LIN28B: variants seen among roughly 807,000 people sequenced by gnomAD.
The protein encoded by LIN28B is lin-28 RNA binding posttranscriptional regulator B, also known as protein lin-28 homolog B.
LIN28B carries 5 observed loss-of-function variants against 21.9 expected under a neutral mutation model. The ratio of observed to expected loss-of-function variants is 0.23; its 90% CI spans 0.12 to 0.48. LIN28B has a LOEUF of 0.48. Among genes scored for constraint, LIN28B ranks in the 20% least tolerant of loss-of-function variants. LIN28B has a pLI of 0.98. For missense variants in LIN28B, 245 were observed against 310.5 expected, an observed-to-expected ratio of 0.79 and a Z score of 1.58; for synonymous variants, 109 against 111.3, an observed-to-expected ratio of 0.98 and a Z score of 0.13.
At chr6:105,069,462 C>T (rs908050605) in intron 3 of LIN28B, among the ~76,000 whole-genome samples, 8 of 151,866 alleles carry the variant, frequency 5.3e-5, no homozygotes, top group Non-Finnish European at 5.9e-5. Flanking sequence ...CAGTGGCTCA[C>T]GCCTCTAATC....
chr6:104,977,253 CT>C (rs1248851118), intron 2 of LIN28B, among the ~76,000 whole-genome samples: 2 of 152,114 alleles, frequency 1.3e-5, no homozygotes, highest in African/African-American at 4.8e-5. Context: ...CCCTTCACTT[CT>C]TTGCCACTTT....
intron 3 of LIN28B, among the ~76,000 whole-genome samples, chr6:105,061,452 A>G (rs1562110891): frequency 6.6e-6 from 1 of 152,048 alleles, no homozygotes; most frequent in Admixed American, 6.6e-5. Flanking sequence ...TCTCTTTAGC[A>G]TTCTTGTAAA....
chr6:105,061,717 T>C (rs1772124435), intron 3 of LIN28B, among the ~76,000 whole-genome samples: 2 of 152,170 alleles, frequency 1.3e-5, no homozygotes, highest in African/African-American at 4.8e-5. Flanking sequence ...ATTCTTGAAG[T>C]ATGAAGCTTA....
At chr6:104,953,400 T>C (rs768612009), upstream of LIN28B, among the ~76,000 whole-genome samples, 35 of 152,138 alleles carry the variant, frequency 2.3e-4, no homozygotes, top group Non-Finnish European at 1.8e-4. Context: ...TGGCATCTCA[T>C]AGGAAAAGGG....
chr6:105,064,449 A>G (rs1267016409), intron 3 of LIN28B, among the ~76,000 whole-genome samples: 1 of 152,188 alleles, frequency 6.6e-6, no homozygotes, highest in Non-Finnish European at 1.5e-5. Flanking sequence ...GTTATCAGTC[A>G]TGGAAAGAGC....
At chr6:104,993,281 A>G (rs1329640914) in intron 2 of LIN28B, among the ~76,000 whole-genome samples, 2 of 152,210 alleles carry the variant, frequency 1.3e-5, no homozygotes, top group African/African-American at 4.8e-5. Flanking sequence ...CCTGTGCAAC[A>G]TAGCAAGACC....
chr6:105,023,229 T>A (rs11758308), intron 2 of LIN28B, among the ~76,000 whole-genome samples: 50 of 73,230 alleles, frequency 6.8e-4, no homozygotes, highest in Middle Eastern at 5.6e-3. Flanking sequence ...ATATATATAA[T>A]ATATATTATA....
chr6:104,960,028 T>A (rs1369218491), intron 2 of LIN28B, among the ~76,000 whole-genome samples: 3 of 152,204 alleles, frequency 2.0e-5, no homozygotes, highest in Non-Finnish European at 4.4e-5. Context: ...TAAACATTCC[T>A]CTATTCACTG....
At chr6:105,072,277 AT>A (rs1407267842) in intron 3 of LIN28B, among the ~76,000 whole-genome samples, 1 of 152,162 alleles carries the variant, frequency 6.6e-6, no homozygotes, top group Non-Finnish European at 1.5e-5. Context: ...CATCAATACA[AT>A]TTAGATATTG....
intron 2 of LIN28B, among the ~76,000 whole-genome samples, chr6:104,962,554 C>A (rs2114575491): frequency 6.6e-6 from 1 of 152,022 alleles, no homozygotes; most frequent in South Asian, 2.1e-4. Flanking sequence ...AAAGCATTAA[C>A]AGTATGAGAT....
At chr6:105,019,224 A>G (rs1481199653) in intron 2 of LIN28B, among the ~76,000 whole-genome samples, 2 of 152,242 alleles carry the variant, frequency 1.3e-5, no homozygotes, top group East Asian at 3.8e-4. Context: ...CTGGGATTAC[A>G]GGCGTGAGCC....
intron 2 of LIN28B, among the ~76,000 whole-genome samples, chr6:104,993,451 A>G (rs1770535789): frequency 6.6e-6 from 1 of 152,120 alleles, no homozygotes; most frequent in African/African-American, 2.4e-5. Context: ...TGGTGGCAGA[A>G]CAAGACCCTT....
At chr6:105,053,063 ATT>A (rs955420842) in intron 3 of LIN28B, among the ~76,000 whole-genome samples, 10 of 151,912 alleles carry the variant, frequency 6.6e-5, no homozygotes, top group African/African-American at 2.4e-4. Context: ...ATCTTAATTT[ATT>A]TTTTCATTTT....
At chr6:104,974,809 AATT>A (rs201450160) in intron 2 of LIN28B, among the ~76,000 whole-genome samples, 7 of 151,142 alleles carry the variant, frequency 4.6e-5, no homozygotes, top group South Asian at 2.1e-4. Context: ...GGATATTTTG[AATT>A]ATTATTATTA....
chr6:105,048,766 T>A (rs1771827329), intron 3 of LIN28B, among the ~76,000 whole-genome samples: 1 of 152,224 alleles, frequency 6.6e-6, no homozygotes, highest in African/African-American at 2.4e-5. Flanking sequence ...TGTCAAGGAA[T>A]TTATCCATTT....
At chr6:104,982,502 AAATTC>A (rs1469151470) in intron 2 of LIN28B, among the ~76,000 whole-genome samples, 7 of 152,300 alleles carry the variant, frequency 4.6e-5, no homozygotes, top group African/African-American at 1.7e-4. Context: ...TGGCTATACA[AAATTC>A]AATCCTTTTA....
At chr6:104,975,539 G>A (rs1184577314) in intron 2 of LIN28B, among the ~76,000 whole-genome samples, 1 of 152,112 alleles carries the variant, frequency 6.6e-6, no homozygotes, top group Non-Finnish European at 1.5e-5. Flanking sequence ...TGAGAGAACT[G>A]TTCAACTATA....
At chr6:105,042,487 C>G (rs536512563) in intron 3 of LIN28B, among the ~76,000 whole-genome samples, 5 of 152,292 alleles carry the variant, frequency 3.3e-5, no homozygotes, top group Non-Finnish European at 7.4e-5. Context: ...AATCTGGTTA[C>G]ATAGCTATTA....
intron 2 of LIN28B, among the ~76,000 whole-genome samples, chr6:104,962,214 GTATTTCATT>G (rs1162491434): frequency 6.6e-6 from 1 of 151,894 alleles, no homozygotes; most frequent in Admixed American, 6.6e-5. Context: ...TTACATAAAT[GTATTTCATT>G]TATTTCATAA....
Sources: gnomAD v4.1 joint callset for allele counts (sites outside exome capture counted in the v4.1 genomes callset) on GRCh38, gnomAD v4.1.1 for gene constraint, MANE v1.5 for transcripts, NCBI Gene and HGNC (gene_info 2026-07-23, HGNC 2026-07-21) for gene names.